VAV2: variants seen among roughly 807,000 people sequenced by gnomAD.
VAV2 encodes the protein vav guanine nucleotide exchange factor 2, also known as guanine nucleotide exchange factor VAV2.
VAV2 carries 67 observed loss-of-function variants against 132.5 expected under a neutral mutation model. That is an observed-to-expected ratio of 0.51 (90% CI 0.42 to 0.62). VAV2 has a LOEUF of 0.62. VAV2 is among the 20% of genes least tolerant of loss of function. The pLI is 0.00. For synonymous variants in VAV2, 492 were observed against 443.5 expected, an observed-to-expected ratio of 1.11 and a Z score of -1.37; for missense variants, 938 against 1,153.6, an observed-to-expected ratio of 0.81 and a Z score of 2.71.
intron 2 of VAV2, among the ~76,000 whole-genome samples, chr9:133,905,761 G>C (rs183898523): frequency 3.5e-4 from 54 of 152,250 alleles, no homozygotes; most frequent in Non-Finnish European, 5.9e-4. Flanking sequence ...ATAGCTGGGC[G>C]AGGTGACTCA....
At chr9:133,785,415 TGG>T (rs1039862040) in intron 17 of VAV2, among the ~76,000 whole-genome samples, 3 of 152,202 alleles carry the variant, frequency 2.0e-5, no homozygotes, top group African/African-American at 7.2e-5. Flanking sequence ...CCCTGAAGAC[TGG>T]GGTCACCAGG....
rs887061735 is a variant in VAV2, at chr9:133,794,672, A to G, written c.1101+996T>C. On this transcript the variant is annotated intron_variant, in intron 12 of 29. Coordinates refer to ENST00000371850, the MANE Select transcript of VAV2 (RefSeq NM_001134398.2). The surrounding 1 kb of genome is among the most constrained non-coding windows in gnomAD (Gnocchi z 4.6). The stretch of plus-strand genomic sequence containing the variant: ...GACTGCAGCCCTGAGGGGGGCTGGC[A>G]GAGGTGTCCTGTGCTCCCGACGAGG... Among the ~76,000 whole-genome samples, 4 of 152,166 alleles carry G rather than the reference A, an allele frequency of 2.6e-5. No homozygotes were observed. Among genetic ancestry groups the G allele is most frequent in the African/African-American group, 9.7e-5 (4 of 41,448 alleles).
chr9:133,964,305 C>A (rs1352157238), intron 1 of VAV2, among the ~76,000 whole-genome samples: 1 of 89,976 alleles, frequency 1.1e-5, no homozygotes, highest in African/African-American at 3.5e-5. Context: ...CTGCAGTGAG[C>A]CCTGATATAT....
intron 2 of VAV2, among the ~76,000 whole-genome samples, chr9:133,886,036 C>T (rs1231335541): frequency 1.3e-5 from 2 of 152,226 alleles, no homozygotes; most frequent in Non-Finnish European, 2.9e-5. Flanking sequence ...TCCGTACTGA[C>T]AGCTGGGGGG....
Position 133,806,172 on chromosome 9 carries a change from T to C in VAV2, c.745A>G (p.Lys249Glu), listed in dbSNP as rs1835133401. The stretch of plus-strand genomic sequence containing the variant: ...GCCCTCAGGAAGCTGTGATGCACCT[T>C]GATCAGGTCCTGGGTTGAAAACCAG... ...AVFINLEDLI[K>E]VHHSFLRAID... is the part of the protein sequence containing the mutation. The change falls in exon 9 of 30, where the codon AAG becomes GAG. Residue 249 changes from lysine (K) to glutamate (E), a missense_variant. Physicochemically the swap from Lys to Glu is moderately conservative, Grantham distance 56. Transcript: ENST00000371850. 6.2e-7 allele frequency: 1 copy of C among 1,612,118 alleles called. No homozygotes were observed. Among genetic ancestry groups the C allele is most frequent in the East Asian group, 2.2e-5 (1 of 44,786 alleles).
chr9:133,807,225 C>G (rs755767030), intron 8 of VAV2, 33 bp downstream of exon 8: 1 of 1,600,844 alleles, frequency 6.2e-7, no homozygotes, highest in East Asian at 2.3e-5. Flanking sequence ...GGGCCCCGAG[C>G]CTGGCATGAG....
chr9:133,926,549 C>T lies in VAV2; in HGVS notation c.321+12554G>A, dbSNP rs1840487613. 6.6e-6 allele frequency among the ~76,000 whole-genome samples: 1 copy of T among 152,186 alleles called. No individual in the cohort carries two copies. Among genetic ancestry groups the T allele is most frequent in the African/African-American group, 2.4e-5 (1 of 41,440 alleles). ...GCCCCTCCCAGTCTCCTACTCCAAG[C>T]AGACCTCCCTTCTAAACCTGAGCAG... On this transcript the variant is annotated intron_variant, in intron 2 of 29. Transcript: ENST00000371850. This position sits in a 1 kb window ranked among gnomAD's most constrained non-coding sequence, Gnocchi z 4.3.
At chr9:133,847,488 C>T (rs770385170) in intron 3 of VAV2, among the ~76,000 whole-genome samples, 6 of 152,150 alleles carry the variant, frequency 3.9e-5, no homozygotes, top group Non-Finnish European at 7.3e-5. Flanking sequence ...CAGCAGATGA[C>T]GCATGAGGCT....
chr9:133,851,235 T>C (rs548190206), intron 3 of VAV2, among the ~76,000 whole-genome samples: 11 of 152,304 alleles, frequency 7.2e-5, no homozygotes, highest in African/African-American at 2.4e-4. Flanking sequence ...CCTTTAACCC[T>C]TGCAGCCTTC....
rs1835854692 is a variant in VAV2 at position 133,823,017 on chromosome 9, A to G, written c.450-10801T>C. 6.6e-6 allele frequency among the ~76,000 whole-genome samples: 1 copy of G among 152,170 alleles called. No homozygotes were observed. The highest frequency in any genetic ancestry group is 2.4e-5 in the African/African-American group (1 of 41,426). On this transcript the variant is annotated intron_variant, in intron 4 of 29. Transcript: ENST00000371850. This position sits in a 1 kb window ranked among gnomAD's most constrained non-coding sequence, Gnocchi z 5.5. ...TTGTGAGGGCTGAGATGAAGCGGCA[A>G]AGCCCAGGGCCTGGCTCTCAGGGGA... is the stretch of plus-strand genomic sequence containing the variant.
At position 133,794,028 on chromosome 9, in the gene VAV2, G is replaced by A. The variant is rs942688311; in HGVS notation, c.1101+1640C>T. On this transcript the variant is annotated intron_variant, in intron 12 of 29. Transcript: ENST00000371850. This position sits in a 1 kb window ranked among gnomAD's most constrained non-coding sequence, Gnocchi z 4.6. ...GTCACCGAGTACTTTGTGCAGCACC[G>A]TGAGCTACACTCCTGGGAAACCATC... is the stretch of plus-strand genomic sequence containing the variant. Among the ~76,000 whole-genome samples, 6 of 152,242 alleles carry A rather than the reference G, an allele frequency of 3.9e-5. No homozygotes were observed. Among genetic ancestry groups the A allele is most frequent in the Admixed American group, 2.0e-4 (3 of 15,296 alleles).
rs1588242823 is a variant in VAV2 at position 133,834,456 on chromosome 9, T to C, written c.381-116A>G. On this transcript the variant is annotated intron_variant, in intron 3 of 29. Transcript: ENST00000371850. The surrounding 1 kb of genome is among the most constrained non-coding windows in gnomAD (Gnocchi z 5.9). ...GGCCCAGCCAGGAGCAAAGGGGCTC[T>C]TGTCCACTCTCTGGAAGGACACAGG... is the stretch of plus-strand genomic sequence containing the variant. The C allele has an allele frequency of 9.7e-7, 1 of 1,032,490 alleles. No individual in the cohort carries two copies. Among genetic ancestry groups the C allele is most frequent in the East Asian group, 2.6e-5 (1 of 38,462 alleles). The allele number at this position is 1,032,490 out of a possible 1,614,324, so 64.0% of individuals were successfully genotyped here.
At chr9:133,934,108 G>A (rs1039061091) in intron 2 of VAV2, among the ~76,000 whole-genome samples, 8 of 151,796 alleles carry the variant, frequency 5.3e-5, no homozygotes, top group Admixed American at 5.2e-4. Context: ...ATGGATGGAT[G>A]ATGGATAGAT....
chr9:133,937,222 T>G (rs1840943498), intron 2 of VAV2, among the ~76,000 whole-genome samples: 1 of 152,112 alleles, frequency 6.6e-6, no homozygotes, highest in Admixed American at 6.5e-5. Context: ...ATGTGTGTGA[T>G]ATGTCCGTGT....
rs1843008039 is a variant in VAV2 at position 133,991,318 on chromosome 9, G to A, written c.204+757C>T. ...GAGGCCAAGAAAAGCAGCTTCGTTC[G>A]GCTGGGCAGGCATTTTCCTGCCTGG... On this transcript the variant is annotated intron_variant, in intron 1 of 29. Transcript: ENST00000371850. The surrounding 1 kb of genome is among the most constrained non-coding windows in gnomAD (Gnocchi z 4.8). 6.6e-6 allele frequency among the ~76,000 whole-genome samples: 1 copy of A among 152,220 alleles called. No homozygotes were observed. Among genetic ancestry groups the A allele is most frequent in the African/African-American group, 2.4e-5 (1 of 41,456 alleles).
At chr9:133,781,787 G>A (rs573655637) in intron 19 of VAV2, among the ~76,000 whole-genome samples, 1 of 152,226 alleles carries the variant, frequency 6.6e-6, no homozygotes, top group Non-Finnish European at 1.5e-5. Context: ...GGGATGAGGA[G>A]GGGGGCAAGG....
chr9:133,790,348 T>G (rs2131616862), intron 13 of VAV2, among the ~76,000 whole-genome samples: 1 of 152,276 alleles, frequency 6.6e-6, no homozygotes, highest in East Asian at 1.9e-4. Context: ...GGCTAATTTT[T>G]GTATTTTTAG....
intron 1 of VAV2, among the ~76,000 whole-genome samples, chr9:133,977,697 G>T (rs549392937): frequency 1.3e-4 from 20 of 152,236 alleles, no homozygotes; most frequent in Non-Finnish European, 2.4e-4. Context: ...AGTGTCCAGA[G>T]CCTGCCCCTC....
rs190468128 is a variant in VAV2, at chr9:133,833,166, C to G, written c.449+1106G>C. Among the ~76,000 whole-genome samples, 924 of 152,264 alleles carry G rather than the reference C, an allele frequency of 6.1e-3. 14 individuals are homozygous for G. The highest frequency in any genetic ancestry group is 0.021 in the African/African-American group (865 of 41,548). ...GAAGTGCATGAGACTGGGCCGCCAG[C>G]GTGGTGCCACATGCTGATATGGGGA... On this transcript the variant is annotated intron_variant, in intron 4 of 29. Coordinates refer to ENST00000371850, the MANE Select transcript of VAV2 (RefSeq NM_001134398.2). This position sits in a 1 kb window ranked among gnomAD's most constrained non-coding sequence, Gnocchi z 5.6.
Sources: gnomAD v4.1 joint callset for allele counts (sites outside exome capture counted in the v4.1 genomes callset) on GRCh38, gnomAD v4.1.1 for gene constraint, Gnocchi (gnomAD v3.1) non-coding constraint, MANE v1.5 for transcripts, NCBI Gene and HGNC (gene_info 2026-07-23, HGNC 2026-07-21) for gene names.